MBD5: variants seen among roughly 807,000 people sequenced by gnomAD.
MBD5 encodes the protein methyl-CpG binding domain protein 5, also known as methyl-CpG-binding domain protein 5.
MBD5 carries 13 observed loss-of-function variants against 117.3 expected under a neutral mutation model. The ratio of observed to expected loss-of-function variants is 0.11; its 90% confidence interval spans 0.07 to 0.18. The LOEUF (loss-of-function observed/expected upper bound fraction) is 0.18. Among genes scored for constraint, MBD5 ranks in the 10% least tolerant of loss-of-function variants. MBD5 has a pLI of 1.00. For synonymous variants in MBD5, 727 were observed against 766.4 expected (o/e 0.95, Z 0.85); for missense variants, 1,879 against 2,093.8 (o/e 0.90, Z 2.00).
intron 13 of MBD5, among the ~76,000 whole-genome samples, chr2:148,510,479 A>G (rs1276386315): frequency 1.3e-5 from 2 of 152,194 alleles, no homozygotes; most frequent in Non-Finnish European, 2.9e-5. Flanking sequence ...TAGTAATGCA[A>G]ACTTTGTTCT....
chr2:148,374,240 TACACACACACACAC>T (rs57110874), intron 4 of MBD5, among the ~76,000 whole-genome samples: 7,035 of 141,942 alleles, frequency 0.05, 234 homozygotes, highest in Admixed American at 0.1. Flanking sequence ...TGTTTATGCA[TACACACACACACAC>T]ACACACACAC....
chr2:148,469,405 G>A lies in MBD5; in HGVS notation c.1462G>A (p.Val488Ile), dbSNP rs778427674. ...GPQATSSGIK[V>I]PPRSPRSTIG... ...CCAGGCCACTTCTAGTGGTATTAAG[G>A]TTCCACCCAGGTCACCAAGGTCAAC... Residue 488 changes from valine (V) to isoleucine (I), a missense_variant, in exon 8 of 14, where the codon GTT becomes ATT. Coordinates refer to ENST00000642680, the MANE Select transcript of MBD5 (RefSeq NM_001378120.1). 1 of 1,613,786 alleles carries A rather than the reference G, an allele frequency of 6.2e-7. No individual in the cohort carries two copies. Among genetic ancestry groups the A allele is most frequent in the Non-Finnish European group, 8.5e-7 (1 of 1,179,954 alleles).
chr2:148,166,093 C>T (rs1483990392), intron 1 of MBD5, among the ~76,000 whole-genome samples: 1 of 151,954 alleles, frequency 6.6e-6, no homozygotes, highest in Non-Finnish European at 1.5e-5. Context: ...GGACAATTCT[C>T]TAAATGTAAG....
chr2:148,374,595 G>A (rs12615490), intron 4 of MBD5, among the ~76,000 whole-genome samples: 76,306 of 151,964 alleles, frequency 0.5, 19,454 homozygotes, highest in East Asian at 0.75. Context: ...TTGACCTTCC[G>A]TTTGAAGTTT....
In MBD5 at chr2:148,188,208, G is replaced by T. The variant is rs575404489; in HGVS notation, c.-831+9415G>T. On this transcript the variant is annotated intron_variant, in intron 2 of 13. Coordinates refer to ENST00000642680, the MANE Select transcript of MBD5 (RefSeq NM_001378120.1). ...ATTTGAAAAAATTCAAAATTTGAAT[G>T]AATTCTAGTCCCAGACATTTCAGAT... 1.9e-4 allele frequency among the ~76,000 whole-genome samples: 29 copies of T among 152,246 alleles called. No individual in the cohort carries two copies. The South Asian group carries it at 5.8e-3, about 30-fold the overall frequency.
In MBD5 at chr2:148,035,204, A is replaced by C. The variant is rs1328558865; in HGVS notation, c.-925+13520A>C. Among the ~76,000 whole-genome samples the C allele has an allele frequency of 2.0e-5, 3 of 152,300 alleles. No individual in the cohort carries two copies. In the East Asian group the frequency reaches 5.8e-4, roughly 29 times the overall value. On this transcript the variant is annotated intron_variant, in intron 1 of 13. Coordinates refer to ENST00000642680, the MANE Select transcript of MBD5 (RefSeq NM_001378120.1). ...GGATTGTTACCTTTATTAATAACAA[A>C]ATATCACAAAGATGAATTAATTCTA...
At chr2:148,447,518 G>A (rs1282911918) in intron 4 of MBD5, 1 of 152,174 alleles carries the variant, frequency 6.6e-6, no homozygotes, top group African/African-American at 2.4e-5. Flanking sequence ...CTCTTGTCAA[G>A]GGCTATAGTG....
chr2:148,109,948 T>C (rs915863623), intron 1 of MBD5, among the ~76,000 whole-genome samples: 1 of 152,206 alleles, frequency 6.6e-6, no homozygotes, highest in Non-Finnish European at 1.5e-5. Flanking sequence ...TGTTTCTTCA[T>C]GGTTTTGGAA....
chr2:148,050,641 T>A (rs1694671331), intron 1 of MBD5, among the ~76,000 whole-genome samples: 1 of 152,156 alleles, frequency 6.6e-6, no homozygotes, highest in Non-Finnish European at 1.5e-5. Flanking sequence ...TATGAAAATT[T>A]ACATTATATC....
chr2:148,214,728 T>C (rs562916191), intron 2 of MBD5, among the ~76,000 whole-genome samples: 5 of 152,288 alleles, frequency 3.3e-5, no homozygotes, highest in African/African-American at 1.2e-4. Context: ...CTGTCTGCTG[T>C]GAAACTTGTC....
At chr2:148,268,057 C>G (rs960268339) in intron 3 of MBD5, among the ~76,000 whole-genome samples, 3 of 150,016 alleles carry the variant, frequency 2.0e-5, no homozygotes, top group African/African-American at 7.4e-5. Flanking sequence ...TCAATCAATT[C>G]TCCCACCTTG....
chr2:148,466,577 A>G (rs1707266576), intron 7 of MBD5, among the ~76,000 whole-genome samples: 4 of 152,304 alleles, frequency 2.6e-5, no homozygotes, highest in Non-Finnish European at 5.9e-5. Flanking sequence ...AATGACGTTA[A>G]TGTTCTCACT....
chr2:148,303,582 G>T (rs1405042289), intron 3 of MBD5, among the ~76,000 whole-genome samples: 4 of 152,112 alleles, frequency 2.6e-5, no homozygotes, highest in African/African-American at 4.8e-5. Context: ...TGTAGAATAT[G>T]AATAAGAAAA....
intron 2 of MBD5, among the ~76,000 whole-genome samples, chr2:148,214,834 C>A (rs996449024): frequency 3.3e-5 from 5 of 152,132 alleles, no homozygotes; most frequent in African/African-American, 9.7e-5. Flanking sequence ...TCAAAGTGAT[C>A]AAGTTTGGTG....
intron 3 of MBD5, among the ~76,000 whole-genome samples, chr2:148,275,466 G>T (rs1701086072): frequency 6.6e-6 from 1 of 152,152 alleles, no homozygotes; most frequent in Non-Finnish European, 1.5e-5. Flanking sequence ...AACCTATAGA[G>T]CAGGCCAGCA....
intron 4 of MBD5, among the ~76,000 whole-genome samples, chr2:148,448,775 A>G (rs1342861098): frequency 1.3e-5 from 2 of 152,090 alleles, no homozygotes; most frequent in Non-Finnish European, 2.9e-5. Context: ...AACAAAATTG[A>G]TATACATCAT....
intron 2 of MBD5, among the ~76,000 whole-genome samples, chr2:148,214,202 C>T (rs751037210): frequency 9.9e-5 from 15 of 152,236 alleles, no homozygotes; most frequent in Middle Eastern, 3.4e-3. Context: ...AGAGGCCAGA[C>T]GGTAATATTT....
chr2:148,315,464 T>G (rs1252152412), intron 3 of MBD5, among the ~76,000 whole-genome samples: 1 of 152,226 alleles, frequency 6.6e-6, no homozygotes, highest in African/African-American at 2.4e-5. Flanking sequence ...CACTTAATTC[T>G]TCAAATGTTC....
At chr2:148,266,584 CTG>C (rs574395058) in intron 3 of MBD5, among the ~76,000 whole-genome samples, 10 of 152,066 alleles carry the variant, frequency 6.6e-5, no homozygotes, top group Middle Eastern at 3.4e-3. Context: ...CAAGACAGAA[CTG>C]TTATTATTTG....
Sources: gnomAD v4.1 joint callset for allele counts (sites outside exome capture counted in the v4.1 genomes callset) on GRCh38, gnomAD v4.1.1 for gene constraint, MANE v1.5 for transcripts, NCBI Gene and HGNC (gene_info 2026-07-23, HGNC 2026-07-21) for gene names.